FTO: variants seen among roughly 807,000 people sequenced by gnomAD.
The protein encoded by FTO is alpha-ketoglutarate-dependent dioxygenase FTO.
A neutral mutation model predicts 63.9 loss-of-function variants in FTO; 47 were observed. The observed-to-expected ratio is 0.74, with a 90% CI of 0.58 to 0.94. The LOEUF (loss-of-function observed/expected upper bound fraction) is 0.94. Among genes scored for constraint, FTO ranks in the 40% least tolerant of loss-of-function variants. The pLI is 0.00. For synonymous variants in FTO, 207 were observed against 224.4 expected, an observed-to-expected ratio of 0.92 and a Z score of 0.69; for missense variants, 562 against 618.1, an observed-to-expected ratio of 0.91 and a Z score of 0.96.
intron 8 of FTO, among the ~76,000 whole-genome samples, chr16:53,968,649 G>T (rs2143703126): frequency 6.6e-6 from 1 of 152,292 alleles, no homozygotes; most frequent in Middle Eastern, 3.4e-3. Context: ...AGTTAGGCAG[G>T]TATAACACAT....
chr16:53,947,382 A>G (rs779433936), intron 8 of FTO, among the ~76,000 whole-genome samples: 30 of 152,318 alleles, frequency 2.0e-4, no homozygotes, highest in South Asian at 1.9e-3. Context: ...CTCTGTTGTC[A>G]TGATGTTAGG....
chr16:53,992,127 A>G (rs991675886), intron 8 of FTO: 10 of 145,676 alleles, frequency 6.9e-5, no homozygotes, highest in African/African-American at 2.4e-4. Context: ...GTCCTCCATG[A>G]GACCAGGCTG....
intron 1 of FTO, among the ~76,000 whole-genome samples, chr16:53,758,104 G>A (rs1192568608): frequency 6.6e-6 from 1 of 152,194 alleles, no homozygotes; most frequent in Admixed American, 6.5e-5. Flanking sequence ...CTGCCAGATA[G>A]GTGTAAGATG....
At chr16:54,102,333 A>G (rs1361846462) in intron 8 of FTO, among the ~76,000 whole-genome samples, 2 of 152,224 alleles carry the variant, frequency 1.3e-5, no homozygotes, top group African/African-American at 2.4e-5. Context: ...CTCTGGTTCC[A>G]TAGCCAGGAT....
intron 8 of FTO, among the ~76,000 whole-genome samples, chr16:53,959,651 TA>T (rs2083021935): frequency 6.6e-6 from 1 of 152,182 alleles, no homozygotes; most frequent in African/African-American, 2.4e-5. Context: ...TATGAGGTGT[TA>T]ACTGTACTGT....
intron 8 of FTO, among the ~76,000 whole-genome samples, chr16:54,018,419 TAC>T (rs2084508772): frequency 6.6e-6 from 1 of 151,782 alleles, no homozygotes; most frequent in Non-Finnish European, 1.5e-5. Context: ...GATACATACA[TAC>T]ATACATACAT....
At chr16:54,017,599 C>G (rs1398983166) in intron 8 of FTO, among the ~76,000 whole-genome samples, 2 of 152,130 alleles carry the variant, frequency 1.3e-5, no homozygotes, top group Non-Finnish European at 2.9e-5. Flanking sequence ...AAGAATTTTC[C>G]CCAATGGGCT....
At chr16:53,818,748 G>A (rs1467283370) in intron 2 of FTO, among the ~76,000 whole-genome samples, 4 of 150,342 alleles carry the variant, frequency 2.7e-5, no homozygotes, top group Non-Finnish European at 4.4e-5. Flanking sequence ...TTTCTTCTAT[G>A]AGTATAGTTT....
intron 7 of FTO, among the ~76,000 whole-genome samples, chr16:53,902,306 T>A (rs977026327): frequency 1.3e-5 from 2 of 152,114 alleles, no homozygotes; most frequent in African/African-American, 4.8e-5. Context: ...TGAGAGGTGA[T>A]CATCTTCTCT....
In FTO at chr16:54,117,232, G is replaced by A. The variant is rs1278821825; in HGVS notation, c.*5317G>A. The A allele has an allele frequency of 6.6e-6, 1 of 152,138 alleles. No individual in the cohort carries two copies. The highest frequency in any genetic ancestry group is 1.5e-5 in the Non-Finnish European group (1 of 68,034). 9.4% of individuals were successfully genotyped at this position (152,138 alleles called of 1,614,324 possible). A position where few individuals can be genotyped will look rare whatever the true frequency, so the allele number is the denominator to read the frequency against. On this transcript the variant is annotated 3_prime_UTR_variant, in exon 9 of 9. Coordinates refer to ENST00000471389, the MANE Select transcript of FTO (RefSeq NM_001080432.3). The stretch of plus-strand genomic sequence containing the variant: ...TCCATCACCTAAGGTTGTTGTGAAG[G>A]TTCAATAAGTTAATGCGTATTTAAA...
At chr16:54,100,306 A>G (rs1437750189) in intron 8 of FTO, among the ~76,000 whole-genome samples, 1 of 152,194 alleles carries the variant, frequency 6.6e-6, no homozygotes, top group Admixed American at 6.5e-5. Context: ...ACATTTTAAT[A>G]GAAGATGTAT....
chr16:53,822,474 T>C (rs1199666490), intron 2 of FTO, among the ~76,000 whole-genome samples: 1 of 152,096 alleles, frequency 6.6e-6, no homozygotes, highest in Non-Finnish European at 1.5e-5. Context: ...TTTTTAGTGT[T>C]TTTTGATTTC....
chr16:54,086,936 G>A (rs1351020970), intron 8 of FTO, among the ~76,000 whole-genome samples: 1 of 152,168 alleles, frequency 6.6e-6, no homozygotes, highest in Non-Finnish European at 1.5e-5. Flanking sequence ...CCCCCATAAG[G>A]AAAAAGCAAA....
chr16:53,898,598 C>T (rs772108569), intron 7 of FTO, among the ~76,000 whole-genome samples: 1 of 152,152 alleles, frequency 6.6e-6, no homozygotes, highest in Non-Finnish European at 1.5e-5. Flanking sequence ...AGGAGGTACT[C>T]GACACATGTT....
intron 4 of FTO, among the ~76,000 whole-genome samples, chr16:53,867,083 G>T (rs1436387612): frequency 6.6e-6 from 1 of 151,900 alleles, no homozygotes; most frequent in African/African-American, 2.4e-5. Context: ...TTGGTAAGTT[G>T]TGTTTTCACT....
chr16:54,018,405 G>C (rs62034066), intron 8 of FTO, among the ~76,000 whole-genome samples: 7 of 137,118 alleles, frequency 5.1e-5, no homozygotes, highest in African/African-American at 2.0e-4. Context: ...TAGATAGATA[G>C]ATAGATACAT....
chr16:53,933,822 A>G (rs955973570), intron 7 of FTO, among the ~76,000 whole-genome samples, 163 bp from the exon 8 acceptor site: 3 of 152,268 alleles, frequency 2.0e-5, no homozygotes, highest in Non-Finnish European at 4.4e-5. Flanking sequence ...ATTAAATACA[A>G]AATATATGCC....
At chr16:54,053,601 C>T (rs982845635) in intron 8 of FTO, among the ~76,000 whole-genome samples, 1 of 152,130 alleles carries the variant, frequency 6.6e-6, no homozygotes, top group Non-Finnish European at 1.5e-5. Flanking sequence ...GTAAAGGTCC[C>T]CCCATTCAGG....
At position 54,120,328 on chromosome 16, in the gene FTO, T is replaced by G. The variant is rs2086997221; in HGVS notation, c.*8413T>G. ...GCCATATTGCCAGCTCTTCATAGTA[T>G]TGACTCTTCAGTCTTAGCCAACACA... is the stretch of plus-strand genomic sequence containing the variant. On this transcript the variant is annotated 3_prime_UTR_variant, in exon 9 of 9. Transcript: ENST00000471389. 6.6e-6 allele frequency: 1 copy of G among 152,252 alleles called. No individual in the cohort carries two copies. The highest frequency in any genetic ancestry group is 1.5e-5 in the Non-Finnish European group (1 of 68,054). 9.4% of individuals were successfully genotyped at this position (152,252 alleles called of 1,614,324 possible).
Sources: gnomAD v4.1 joint callset for allele counts (sites outside exome capture counted in the v4.1 genomes callset) on GRCh38, gnomAD v4.1.1 for gene constraint, MANE v1.5 for transcripts, NCBI Gene and HGNC (gene_info 2026-07-23, HGNC 2026-07-21) for gene names.